Variants in ZDHHC7 observed in about 807,000 individuals in gnomAD.
ZDHHC7 encodes palmitoyltransferase ZDHHC7.
ZDHHC7 carries 12 observed loss-of-function variants against 34.1 expected under a neutral mutation model. That is an observed-to-expected ratio of 0.35 (90% CI 0.23 to 0.57). The LOEUF (loss-of-function observed/expected upper bound fraction) is 0.57. Among genes scored for constraint, ZDHHC7 ranks in the 20% least tolerant of loss-of-function variants. ZDHHC7 has a pLI of 0.84. For missense variants in ZDHHC7, 388 were observed against 402.7 expected (o/e 0.96, Z 0.31); for synonymous variants, 185 against 155.4 (o/e 1.19, Z -1.42).
At chr16:85,027,618 GCCTCGGGCC>G in the ZDHHC7 span, 3 of 152,238 alleles carry the variant, frequency 2.0e-5, no homozygotes, top group Non-Finnish European at 2.9e-5. Context: ...GCGTGGGCAG[GCCTCGGGCC>G]CCTCAGGCTC....
the ZDHHC7 span, among the ~76,000 whole-genome samples, chr16:85,024,640 C>T: frequency 2.0e-5 from 3 of 152,332 alleles, no homozygotes; most frequent in African/African-American, 7.2e-5. Context: ...AGGCTCCATC[C>T]TGGATATCTG....
intron 3 of ZDHHC7, 81 bp downstream of exon 3, chr16:84,990,223 G>A: frequency 6.7e-7 from 1 of 1,498,148 alleles, no homozygotes; most frequent in Non-Finnish European, 9.1e-7. Flanking sequence ...CCTGTGCACT[G>A]CTTCCTCCAA....
At chr16:84,981,813 C>T (rs1276361264) in intron 4 of ZDHHC7, 57 bp downstream of exon 4, 2 of 1,611,686 alleles carry the variant, frequency 1.2e-6, no homozygotes, top group African/African-American at 2.7e-5. Flanking sequence ...TTTAATACAG[C>T]AGCACACGTA....
chr16:84,978,843 CAA>C (rs1250622028), intron 5 of ZDHHC7, among the ~76,000 whole-genome samples: 6 of 110,450 alleles, frequency 5.4e-5, no homozygotes. Context: ...GCCTGGGCAA[CAA>C]GAGCAAAACT....
rs1472933143 is a variant in ZDHHC7, at chr16:84,974,343, G to C, written c.*2000C>G. The C allele has an allele frequency of 1.3e-5, 2 of 152,206 alleles. No individual in the cohort carries two copies. Among genetic ancestry groups the C allele is most frequent in the Non-Finnish European group, 2.9e-5 (2 of 68,040 alleles). The allele number at this position is 152,206 out of a possible 1,614,324, so 9.4% of individuals were successfully genotyped here. A position where few individuals can be genotyped will look rare whatever the true frequency, so the allele number is the denominator to read the frequency against. On this transcript the variant is annotated 3_prime_UTR_variant, in exon 8 of 8. Coordinates refer to ENST00000313732, the MANE Select transcript of ZDHHC7 (RefSeq NM_017740.3). ...CTTGTCATGGGCACAAAAGCATTTA[G>C]AGTTTCTGGAAACTGTTTGGGAGTG...
At chr16:84,988,426 C>T (rs925750871) in intron 3 of ZDHHC7, among the ~76,000 whole-genome samples, 2 of 152,198 alleles carry the variant, frequency 1.3e-5, no homozygotes, top group Non-Finnish European at 2.9e-5. Context: ...AATCAAAACA[C>T]CCCTGACATC....
At position 84,990,429 on chromosome 16, in the gene ZDHHC7, C is replaced by T. The variant is rs2072493970; in HGVS notation, c.190G>A (p.Val64Met). The change falls in exon 3 of 8, where the codon GTG (valine) becomes ATG (methionine). Residue 64 changes from valine to methionine, a missense_variant. Transcript: ENST00000313732. ...TWLLVAYADF[V>M]VTFVMLLPSK... ...GGCAGCAGCATGACGAAAGTCACCA[C>T]GAAGTCTGCATAGGCGACCAGAAGC... 2.5e-6 allele frequency: 4 copies of T among 1,614,120 alleles called. No homozygotes were observed. Among genetic ancestry groups the T allele is most frequent in the Non-Finnish European group, 2.5e-6 (3 of 1,180,022 alleles).
intron 1 of ZDHHC7, among the ~76,000 whole-genome samples, chr16:85,009,809 C>G (rs1381964472): frequency 6.7e-6 from 1 of 150,192 alleles, no homozygotes; most frequent in Non-Finnish European, 1.5e-5. Flanking sequence ...CCCGGGTTCA[C>G]GTGATTCTCT....
intron 5 of ZDHHC7, 41 bp from the exon 6 acceptor site, chr16:84,978,046 AT>A (rs779532526): frequency 8.5e-5 from 129 of 1,518,148 alleles, no homozygotes; most frequent in Middle Eastern, 5.2e-4. Flanking sequence ...TTTATTTTTT[AT>A]TTTTTTTAGA....
upstream of ZDHHC7, chr16:85,011,566 G>C (rs1299939293): frequency 2.6e-5 from 4 of 152,288 alleles, no homozygotes; most frequent in Non-Finnish European, 4.4e-5. Context: ...CGTCACGCCG[G>C]CGCAGTTCCG....
At chr16:85,008,610 T>A (rs1282148823) in intron 1 of ZDHHC7, among the ~76,000 whole-genome samples, 1 of 151,858 alleles carries the variant, frequency 6.6e-6, no homozygotes, top group Non-Finnish European at 1.5e-5. Context: ...ACTGGCACAG[T>A]CCAGCTAAAC....
At chr16:84,989,020 G>T (rs1272331731) in intron 3 of ZDHHC7, 4 of 786,360 alleles carry the variant, frequency 5.1e-6, no homozygotes, top group Non-Finnish European at 8.2e-6. Context: ...GACACACAGG[G>T]ATCAGGAGCA....
At chr16:85,027,580 C>T in the ZDHHC7 span, among the ~76,000 whole-genome samples, 1 of 152,224 alleles carries the variant, frequency 6.6e-6, no homozygotes, top group East Asian at 1.9e-4. Context: ...AAGGGGGCGC[C>T]GGGCGTACCC....
the ZDHHC7 span, among the ~76,000 whole-genome samples, chr16:85,018,828 C>T: frequency 6.6e-6 from 1 of 152,086 alleles, no homozygotes; most frequent in Admixed American, 6.5e-5. Flanking sequence ...AAATCAGAGA[C>T]TTGTTCCGGA....
the ZDHHC7 span, among the ~76,000 whole-genome samples, chr16:85,020,821 C>G: frequency 6.6e-6 from 1 of 152,132 alleles, no homozygotes; most frequent in Non-Finnish European, 1.5e-5. Context: ...AAGGTCACTC[C>G]AGGCCAGGCA....
chr16:85,020,156 A>T, the ZDHHC7 span, among the ~76,000 whole-genome samples: 154 of 152,330 alleles, frequency 1.0e-3, 1 homozygote, highest in Middle Eastern at 3.4e-3. Context: ...GGCTTGCCTT[A>T]GGCACGGGTC....
At chr16:85,025,084 C>T in the ZDHHC7 span, among the ~76,000 whole-genome samples, 1 of 152,066 alleles carries the variant, frequency 6.6e-6, no homozygotes, top group African/African-American at 2.4e-5. Context: ...CGAGACCAGC[C>T]TGGCCAACAT....
chr16:85,000,552 G>C (rs761881054), intron 1 of ZDHHC7, among the ~76,000 whole-genome samples: 1 of 152,132 alleles, frequency 6.6e-6, no homozygotes, highest in Non-Finnish European at 1.5e-5. Context: ...GTCCACCCTA[G>C]AGTCTGGTAT....
chr16:84,980,468 G>A (rs1399958322), intron 4 of ZDHHC7, among the ~76,000 whole-genome samples: 3 of 151,888 alleles, frequency 2.0e-5, no homozygotes, highest in African/African-American at 4.8e-5. Context: ...TCAGGAGTTC[G>A]AGACCAGCCT....
Sources: allele counts gnomAD v4.1 joint callset (sites outside exome capture counted in the v4.1 genomes callset), GRCh38; gene constraint gnomAD v4.1.1; transcripts MANE v1.5; gene names NCBI Gene and HGNC (gene_info 2026-07-23, HGNC 2026-07-21).